CFAP20DC: variants seen among roughly 807,000 people sequenced by gnomAD.
The protein encoded by CFAP20DC is CFAP20 domain containing, also known as protein CFAP20DC.
In CFAP20DC, 84 loss-of-function variants were observed where a neutral mutation model predicts 101.7. The observed-to-expected ratio is 0.83, with a 90% confidence interval of 0.69 to 0.99. The LOEUF (loss-of-function observed/expected upper bound fraction) is 0.99, where lower values mean the gene tolerates loss of function less well. Ranked by LOEUF, CFAP20DC falls within the 50% of genes least tolerant of loss-of-function variation. The probability of loss-of-function intolerance (pLI) is 0.00; values close to 1 mark genes in which losing one functional copy is unlikely to be tolerated. For synonymous variants in CFAP20DC, 359 were observed against 351.2 expected, an observed-to-expected ratio of 1.02 and a Z score of -0.25; for missense variants, 1,007 against 970.3, an observed-to-expected ratio of 1.04 and a Z score of -0.50.
In CFAP20DC at chr3:58,996,658, GA is replaced by G. The variant is rs375429930; in HGVS notation, c.278+42898del. Among the ~76,000 whole-genome samples, 686 of 152,204 alleles carry G rather than the reference GA, an allele frequency of 4.5e-3. 5 individuals carry two copies. The highest frequency in any genetic ancestry group is 0.016 in the African/African-American group (671 of 41,514). On this transcript the variant is annotated intron_variant, in intron 4 of 16. Coordinates refer to ENST00000482387, the MANE Select transcript of CFAP20DC (RefSeq NM_001394063.1). ...GAACTGTTTATTGCTGATCTACAGAGAAAAAAAGAAGCTAGAGCTGGAACGT... is the reference window on the plus strand; with the variant it reads ...GAACTGTTTATTGCTGATCTACAGAGAAAAAAGAAGCTAGAGCTGGAACGT...
intron 4 of CFAP20DC, among the ~76,000 whole-genome samples, chr3:58,981,329 C>T (rs966929436): frequency 6.6e-6 from 1 of 152,004 alleles, no homozygotes; most frequent in African/African-American, 2.4e-5. Flanking sequence ...CTACCAATGA[C>T]TTTCTTCACA....
chr3:58,937,401 C>G (rs772866642), intron 5 of CFAP20DC, among the ~76,000 whole-genome samples: 5 of 152,124 alleles, frequency 3.3e-5, no homozygotes, highest in Non-Finnish European at 7.4e-5. Context: ...TTCACATTAC[C>G]AATAGCACTT....
At chr3:58,771,531 T>C (rs1051703362) in intron 15 of CFAP20DC, among the ~76,000 whole-genome samples, 2 of 152,086 alleles carry the variant, frequency 1.3e-5, no homozygotes, top group African/African-American at 4.8e-5. Flanking sequence ...TACCCCCAAA[T>C]ATGCCATATT....
intron 15 of CFAP20DC, among the ~76,000 whole-genome samples, chr3:58,766,774 C>T (rs1302942982): frequency 2.0e-5 from 3 of 152,184 alleles, no homozygotes; most frequent in Non-Finnish European, 4.4e-5. Flanking sequence ...ATGCTCCCTA[C>T]CATCACTGGG....
rs1354277846 is a variant in CFAP20DC, at chr3:58,859,680, T to C, written c.1593+3878A>G. ...TAAACATTAATTTGCCTGGTAGGTA[T>C]ACAGAATATGTTATGTTCTAATTCA... On this transcript the variant is annotated intron_variant, in intron 12 of 16. Transcript: ENST00000482387. This position sits in a 1 kb window ranked among gnomAD's most constrained non-coding sequence, Gnocchi z 4.1. 6.6e-6 allele frequency among the ~76,000 whole-genome samples: 1 copy of C among 152,214 alleles called. No homozygotes were observed. The highest frequency in any genetic ancestry group is 6.5e-5 in the Admixed American group (1 of 15,288).
At chr3:58,809,600 G>A (rs1015078425) in intron 14 of CFAP20DC, among the ~76,000 whole-genome samples, 11 of 152,014 alleles carry the variant, frequency 7.2e-5, no homozygotes, top group African/African-American at 2.7e-4. Context: ...AGAGAAAGCA[G>A]GAAAGATCCA....
chr3:58,866,547 G>A lies in CFAP20DC; in HGVS notation c.1258+19C>T, dbSNP rs1235333344. 7.6e-6 allele frequency: 12 copies of A among 1,583,022 alleles called. No individual in the cohort carries two copies. Among genetic ancestry groups the A allele is most frequent in the Non-Finnish European group, 1.0e-5 (12 of 1,166,034 alleles). ...ATTTTATTCATTATTAACAGATATG[G>A]TGTAATAAAGATGCCAACCTGATTG... On this transcript the variant is annotated intron_variant, in intron 11 of 16. Transcript: ENST00000482387.
chr3:58,938,679 A>G (rs1423437447), intron 4 of CFAP20DC, among the ~76,000 whole-genome samples: 1 of 152,078 alleles, frequency 6.6e-6, no homozygotes, highest in Non-Finnish European at 1.5e-5. Context: ...TAAAATTGGC[A>G]TTGTCTTTTC....
chr3:58,767,181 G>A (rs1467708706), intron 15 of CFAP20DC, among the ~76,000 whole-genome samples: 1 of 152,132 alleles, frequency 6.6e-6, no homozygotes, highest in Admixed American at 6.5e-5. Flanking sequence ...GATATTGAAA[G>A]TCTCCATAAC....
At chr3:58,890,219 C>T (rs1194554151) in intron 6 of CFAP20DC, among the ~76,000 whole-genome samples, 6 of 147,398 alleles carry the variant, frequency 4.1e-5, no homozygotes, top group South Asian at 2.2e-4. Context: ...GGGCGGCTGG[C>T]CGGGCAGAGG....
At chr3:58,730,711 T>C (rs1462146450) in intron 3 of CFAP20DC, among the ~76,000 whole-genome samples, 1 of 152,138 alleles carries the variant, frequency 6.6e-6, no homozygotes. Flanking sequence ...ATTTTGAATG[T>C]TTACATTTGA....
At chr3:58,752,605 A>G (rs1342856405) in intron 16 of CFAP20DC, among the ~76,000 whole-genome samples, 1 of 152,150 alleles carries the variant, frequency 6.6e-6, no homozygotes, top group Non-Finnish European at 1.5e-5. Context: ...CCCTCACAGC[A>G]AGGTCTCCTC....
chr3:58,784,889 A>G (rs1177345177), intron 15 of CFAP20DC, among the ~76,000 whole-genome samples: 1 of 152,098 alleles, frequency 6.6e-6, no homozygotes, highest in Non-Finnish European at 1.5e-5. Context: ...CAAAAAGCTA[A>G]AAACAGAACT....
intron 12 of CFAP20DC, among the ~76,000 whole-genome samples, chr3:58,849,723 G>A (rs17059894): frequency 2.6e-5 from 4 of 152,084 alleles, no homozygotes; most frequent in African/African-American, 9.7e-5. Context: ...AAAAGAAGAG[G>A]ATCCAGAGCA....
intron 15 of CFAP20DC, among the ~76,000 whole-genome samples, chr3:58,755,525 A>G (rs901503544): frequency 1.3e-5 from 2 of 152,180 alleles, no homozygotes; most frequent in African/African-American, 2.4e-5. Context: ...CAGAAACTAT[A>G]TAATCACAGT....
At chr3:58,797,339 T>C (rs961833093) in intron 15 of CFAP20DC, among the ~76,000 whole-genome samples, 1 of 152,188 alleles carries the variant, frequency 6.6e-6, no homozygotes, top group Admixed American at 6.5e-5. Context: ...ATTGGTGATA[T>C]GGAGAAAGTT....
chr3:58,807,568 C>T (rs575800302), intron 14 of CFAP20DC, among the ~76,000 whole-genome samples: 1 of 152,200 alleles, frequency 6.6e-6, no homozygotes, highest in Admixed American at 6.5e-5. Context: ...CCCATCTGTA[C>T]ATCACCATCA....
intron 4 of CFAP20DC, among the ~76,000 whole-genome samples, chr3:58,952,553 A>G (rs1393839975): frequency 6.6e-6 from 1 of 152,144 alleles, no homozygotes; most frequent in Non-Finnish European, 1.5e-5. Context: ...TTTTCTATTA[A>G]CTAAAACATA....
intron 14 of CFAP20DC, among the ~76,000 whole-genome samples, chr3:58,813,915 G>T (rs1363756828): frequency 6.6e-6 from 1 of 151,848 alleles, no homozygotes; most frequent in Admixed American, 6.6e-5. Context: ...AAGACTTTCG[G>T]CAATTTGCAA....
Sources: gnomAD v4.1 joint callset for allele counts (sites outside exome capture counted in the v4.1 genomes callset) on GRCh38, gnomAD v4.1.1 for gene constraint, Gnocchi (gnomAD v3.1) non-coding constraint, MANE v1.5 for transcripts, NCBI Gene and HGNC (gene_info 2026-07-23, HGNC 2026-07-21) for gene names.